The following ITSN2 variants were observed in gnomAD, a reference collection of about 807,000 sequenced individuals.
ITSN2 encodes the protein intersectin-2.
A neutral mutation model predicts 243.7 loss-of-function variants in ITSN2; 156 were observed. That is an observed-to-expected ratio of 0.64 (90% CI 0.56 to 0.73). The LOEUF (loss-of-function observed/expected upper bound fraction) is 0.73. ITSN2 is among the 30% of genes least tolerant of loss of function. The probability of loss-of-function intolerance (pLI) is 0.00; values close to 1 mark genes in which losing one functional copy is unlikely to be tolerated. For missense variants in ITSN2, 1,801 were observed against 1,996.1 expected, an observed-to-expected ratio of 0.90 and a Z score of 1.86; for synonymous variants, 703 against 699.9, an observed-to-expected ratio of 1.00 and a Z score of -0.07.
rs768853789 is a variant in ITSN2 at position 24,299,924 on chromosome 2, G to C, written c.1329C>G (p.Asp443Glu). The change falls in exon 12 of 40, where the codon GAC (aspartate) becomes GAG (glutamate). Residue 443 changes from aspartate (D) to glutamate (E), a missense_variant. Asp to Glu is a conservative substitution (Grantham distance 45). Around this residue, in one of 5 missense-constraint regions of ITSN2, gnomAD observed 787 missense variants for 803.9 expected, o/e 0.98. Coordinates refer to ENST00000355123, the MANE Select transcript of ITSN2 (RefSeq NM_006277.3). ...TAAAAATAACCTCTCGTCTTTCTAT[G>C]TCTTTTCTCCTTTCTTCCTCTCGTT... ...ERQREEERRK[D>E]IERREAAKQE... is the part of the protein sequence containing the mutation. 1.9e-6 allele frequency: 3 copies of C among 1,606,342 alleles called. No homozygotes were observed. The highest frequency in any genetic ancestry group is 8.5e-7 in the Non-Finnish European group (1 of 1,177,440).
intron 8 of ITSN2, among the ~76,000 whole-genome samples, chr2:24,305,576 C>CAAAAAA (rs537945691): frequency 9.8e-5 from 4 of 40,898 alleles, no homozygotes; most frequent in African/African-American, 1.7e-4. Flanking sequence ...GACTCTGTCT[C>CAAAAAA]AAAAAAAAAA....
intron 30 of ITSN2, among the ~76,000 whole-genome samples, chr2:24,219,022 T>G (rs1670212024): frequency 6.6e-6 from 1 of 152,198 alleles, no homozygotes; most frequent in Non-Finnish European, 1.5e-5. Flanking sequence ...CCTCAGCTAC[T>G]TCACACTCCA....
At chr2:24,291,619 A>G (rs746962227) in intron 15 of ITSN2, among the ~76,000 whole-genome samples, 1 of 151,342 alleles carries the variant, frequency 6.6e-6, no homozygotes, top group Non-Finnish European at 1.5e-5. Context: ...CCTCCTGAGT[A>G]GCTGGGACTA....
At chr2:24,256,624 CT>C (rs2151359968) in intron 23 of ITSN2, among the ~76,000 whole-genome samples, 1 of 152,270 alleles carries the variant, frequency 6.6e-6, no homozygotes, top group South Asian at 2.1e-4. Flanking sequence ...TAGTTTTTAG[CT>C]TTTTTCATTT....
chr2:24,317,262 T>C (rs1301555905), intron 2 of ITSN2, among the ~76,000 whole-genome samples: 1 of 152,002 alleles, frequency 6.6e-6, no homozygotes, highest in East Asian at 1.9e-4. Context: ...TGGGTGCCTG[T>C]AGTCCCAGCT....
intron 9 of ITSN2, among the ~76,000 whole-genome samples, chr2:24,303,030 C>T (rs1681983363): frequency 1.3e-5 from 2 of 152,146 alleles, no homozygotes; most frequent in Admixed American, 1.3e-4. Context: ...GCACTGCCAG[C>T]TGTAGAAAAG....
chr2:24,260,633 C>T (rs1350038095), intron 22 of ITSN2, among the ~76,000 whole-genome samples: 2 of 152,058 alleles, frequency 1.3e-5, no homozygotes, highest in African/African-American at 2.4e-5. Flanking sequence ...CTAGGCCGGG[C>T]GCAGTGGCTC....
intron 2 of ITSN2, 109 bp from the exon 3 acceptor site, chr2:24,315,333 T>C: frequency 1.7e-6 from 1 of 598,714 alleles, no homozygotes; most frequent in Non-Finnish European, 2.9e-6. Flanking sequence ...GTATTTAATA[T>C]TTGAGTGACA....
chr2:24,275,963 T>C (rs773340696), intron 17 of ITSN2, 114 bp from the exon 18 acceptor site: 43 of 705,246 alleles, frequency 6.1e-5, no homozygotes, highest in Admixed American at 1.4e-4. Flanking sequence ...TTGAACTAAA[T>C]TTAAAATATT....
intron 15 of ITSN2, among the ~76,000 whole-genome samples, chr2:24,287,215 C>CT (rs75128281): frequency 0.19 from 29,432 of 152,044 alleles, 3,284 homozygotes; most frequent in Non-Finnish European, 0.26. Flanking sequence ...AGTAAGATAT[C>CT]TTATCAATCA....
intron 1 of ITSN2, among the ~76,000 whole-genome samples, chr2:24,337,315 A>AATATATATATATATACATAC (rs70944741): frequency 3.7e-4 from 12 of 32,018 alleles, no homozygotes; most frequent in East Asian, 1.0e-3. Context: ...GTATACACAA[A>AATATATATATATATACATAC]ATATATATAT....
rs756889075 is a variant in ITSN2, at chr2:24,298,650, A to C, written c.1494+15T>G. Reference sequence around the variant, plus strand: ...ATCATCATTCAGATAAATTTCACTTAAACTTCAGCCATACCAGTGCTTCCA... The same window carrying C: ...ATCATCATTCAGATAAATTTCACTTCAACTTCAGCCATACCAGTGCTTCCA... On this transcript the variant is annotated intron_variant, in intron 13 of 39. Transcript: ENST00000355123. 1.9e-6 allele frequency: 3 copies of C among 1,588,616 alleles called. No homozygotes were observed. The highest frequency in any genetic ancestry group is 1.9e-5 in the Admixed American group (1 of 52,528).
chr2:24,324,886 C>A (rs1310255178), intron 2 of ITSN2, among the ~76,000 whole-genome samples: 7 of 141,376 alleles, frequency 5.0e-5, no homozygotes, highest in Non-Finnish European at 1.1e-4. Flanking sequence ...AAAATGAACA[C>A]CTTAAAAGAA....
chr2:24,267,373 T>G (rs1382971100), intron 20 of ITSN2, among the ~76,000 whole-genome samples: 11 of 114,582 alleles, frequency 9.6e-5, no homozygotes, highest in Non-Finnish European at 2.0e-4. Context: ...ATCCCAGAAC[T>G]TAAAGTATAA....
chr2:24,209,964 T>A lies in ITSN2; in HGVS notation c.4327A>T (p.Lys1443Ter). Residue 1443 changes from lysine to a stop codon, truncating the protein, a stop_gained, in exon 35 of 40, where the codon AAG becomes TAG. Transcript: ENST00000355123. LOFTEE classifies it high-confidence loss of function. ...TGCAGTTCCTTGTTGCTCTTGGTCT[T>A]GTATAATTTCCCACTGTGTAAGAGC... is the stretch of plus-strand genomic sequence containing the variant. Reference protein sequence around the residue: ...RKLLHSGKLYKTKSNKELHGF... With the variant: ...RKLLHSGKLY The A allele has an allele frequency of 6.2e-7, 1 of 1,614,172 alleles. No homozygotes were observed.
chr2:24,358,904 T>C (rs1341755531), intron 1 of ITSN2, among the ~76,000 whole-genome samples: 1 of 152,184 alleles, frequency 6.6e-6, no homozygotes, highest in African/African-American at 2.4e-5. Context: ...TTACCTTTCA[T>C]TACAAAGGTG....
intron 8 of ITSN2, among the ~76,000 whole-genome samples, chr2:24,307,738 T>G (rs1682740737): frequency 6.6e-6 from 1 of 152,230 alleles, no homozygotes; most frequent in Admixed American, 6.5e-5. Flanking sequence ...TCTGCATAAC[T>G]ACAGACCCTG....
chr2:24,227,589 A>G (rs1260712585), intron 29 of ITSN2, among the ~76,000 whole-genome samples: 1 of 152,228 alleles, frequency 6.6e-6, no homozygotes, highest in East Asian at 1.9e-4. Flanking sequence ...ACCTAAAAAC[A>G]GATGTGAAGA....
intron 29 of ITSN2, among the ~76,000 whole-genome samples, chr2:24,232,827 C>T (rs1173913866): frequency 2.0e-5 from 3 of 152,146 alleles, no homozygotes; most frequent in Admixed American, 1.3e-4. Flanking sequence ...TAAGATGATG[C>T]TTACACTGCA....
Sources: gnomAD v4.1 joint callset for allele counts (sites outside exome capture counted in the v4.1 genomes callset) on GRCh38, gnomAD v4.1.1 for gene constraint, gnomAD v4.1.1 regional missense constraint, MANE v1.5 for transcripts, NCBI Gene and HGNC (gene_info 2026-07-23, HGNC 2026-07-21) for gene names.